Variants in CAPZA2 observed in about 807,000 individuals in gnomAD.
CAPZA2 encodes F-actin-capping protein subunit alpha-2.
A neutral mutation model predicts 44.0 loss-of-function variants in CAPZA2; 13 were observed. That is an observed-to-expected ratio of 0.30 (90% confidence interval 0.19 to 0.47). The LOEUF (loss-of-function observed/expected upper bound fraction) is 0.47. Ranked by LOEUF, CAPZA2 falls within the 20% of genes least tolerant of loss-of-function variation. CAPZA2 has a pLI of 1.00. For missense variants in CAPZA2, 244 were observed against 338.6 expected (o/e 0.72, Z 2.19); for synonymous variants, 94 against 108.2 (o/e 0.87, Z 0.81).
intron 3 of CAPZA2, 100 bp downstream of exon 3, chr7:116,893,145 T>C (rs552161897): frequency 4.0e-5 from 29 of 726,772 alleles, no homozygotes; most frequent in Admixed American, 2.2e-4. Context: ...TTTTGTTTTG[T>C]TTTGAGATGG....
At chr7:116,881,579 A>C (rs1391544238) in intron 1 of CAPZA2, among the ~76,000 whole-genome samples, 1 of 151,874 alleles carries the variant, frequency 6.6e-6, no homozygotes. Flanking sequence ...CTCTACTAAA[A>C]ATACAAAAAA....
chr7:116,871,880 G>A (rs1014036758), intron 1 of CAPZA2, among the ~76,000 whole-genome samples: 33 of 152,182 alleles, frequency 2.2e-4, no homozygotes, highest in Admixed American at 2.0e-3. Context: ...TATTAAATCA[G>A]TGATTTTCAA....
At chr7:116,906,547 AGTG>A (rs1217497278) in intron 6 of CAPZA2, 5 of 844,608 alleles carry the variant, frequency 5.9e-6, no homozygotes, top group Non-Finnish European at 6.7e-6. Flanking sequence ...GTTGACATTC[AGTG>A]GAAAGAGTAT....
chr7:116,913,138 A>T (rs958528426), intron 8 of CAPZA2, among the ~76,000 whole-genome samples: 1 of 152,158 alleles, frequency 6.6e-6, no homozygotes, highest in African/African-American at 2.4e-5. Flanking sequence ...TCACATTTGT[A>T]TTACTGAGTT....
At chr7:116,888,855 A>C (rs560856502) in intron 2 of CAPZA2, among the ~76,000 whole-genome samples, 7 of 152,204 alleles carry the variant, frequency 4.6e-5, no homozygotes, top group African/African-American at 1.2e-4. Context: ...AACAAACAAA[A>C]AAAAGTTTCA....
chr7:116,901,881 A>ATATGTGTGTGTGTGTGTGTGTG (rs375500363), intron 4 of CAPZA2, among the ~76,000 whole-genome samples: 7 of 140,818 alleles, frequency 5.0e-5, no homozygotes, highest in African/African-American at 1.8e-4. Flanking sequence ...TAACGAAGAA[A>ATATGTGTGTGTGTGTGTGTGTG]TGTGTGTGTG....
intron 1 of CAPZA2, among the ~76,000 whole-genome samples, chr7:116,884,216 CAAT>C (rs1284302889): frequency 6.6e-6 from 1 of 152,108 alleles, no homozygotes; most frequent in Non-Finnish European, 1.5e-5. Context: ...GTTTTAGAAG[CAAT>C]ATGTTTTGAA....
At chr7:116,875,727 A>T (rs13224082) in intron 1 of CAPZA2, 43,302 of 149,616 alleles carry the variant, frequency 0.29, 6,478 homozygotes, top group East Asian at 0.41. Context: ...TTTTTTTTTT[A>T]AATTTTTTGT....
chr7:116,912,168 TA>T, intron 8 of CAPZA2, 28 bp downstream of exon 8: 1 of 1,609,038 alleles, frequency 6.2e-7, no homozygotes. Context: ...CAATAAAATT[TA>T]ACCTAATACT....
chr7:116,898,042 G>A (rs147737246), intron 3 of CAPZA2, among the ~76,000 whole-genome samples: 58 of 152,116 alleles, frequency 3.8e-4, no homozygotes, highest in Non-Finnish European at 7.4e-4. Context: ...CTGAACACCC[G>A]CTATGAGCCA....
chr7:116,910,317 A>T lies in CAPZA2; in HGVS notation c.585+6A>T. 4 of 1,450,510 alleles carry T rather than the reference A, an allele frequency of 2.8e-6. No individual in the cohort carries two copies. Among genetic ancestry groups the T allele is most frequent in the Non-Finnish European group, 3.9e-6 (4 of 1,031,050 alleles). 89.9% of individuals were successfully genotyped at this position (1,450,510 alleles called of 1,614,324 possible). On this transcript the variant is annotated splice_donor_region_variant and intron_variant, in intron 7 of 9. Transcript: ENST00000361183. ...TTGGCATCTTGAAAATTCAGGTATG[A>T]AAAATAATTTGTTTACTGATCTTTA...
intron 8 of CAPZA2, among the ~76,000 whole-genome samples, chr7:116,913,236 CT>C (rs1469150777): frequency 6.6e-6 from 1 of 152,030 alleles, no homozygotes; most frequent in South Asian, 2.1e-4. Flanking sequence ...TGTCTTTTCA[CT>C]TTCTTGATGA....
chr7:116,912,114 G>T lies in CAPZA2; in HGVS notation c.631G>T (p.Asp211Tyr). 6.2e-7 allele frequency: 1 copy of T among 1,612,914 alleles called. No homozygotes were observed. The highest frequency in any genetic ancestry group is 8.5e-7 in the Non-Finnish European group (1 of 1,179,288). ...TAATGTTCAGCTAGTGAGTCATAAA[G>T]ATATACAAGATTCCCTAACAGTGTC... is the stretch of plus-strand genomic sequence containing the variant. ...DGNVQLVSHK[D>Y]IQDSLTVSNE... Residue 211 changes from aspartate to tyrosine, a missense_variant, in exon 8 of 10, where the codon GAT becomes TAT. Transcript: ENST00000361183.
chr7:116,905,871 C>T (rs903714744), intron 5 of CAPZA2, among the ~76,000 whole-genome samples: 6 of 152,126 alleles, frequency 3.9e-5, no homozygotes, highest in Non-Finnish European at 7.3e-5. Context: ...ACAGCAGCCC[C>T]TAAGATTGTG....
intron 4 of CAPZA2, among the ~76,000 whole-genome samples, chr7:116,903,060 C>G (rs1797016376): frequency 6.6e-6 from 1 of 152,114 alleles, no homozygotes; most frequent in Non-Finnish European, 1.5e-5. Flanking sequence ...AAAAAGGAAA[C>G]AGCCCAGAAA....
At chr7:116,901,881 A>ATGTATG (rs1554410807) in intron 4 of CAPZA2, among the ~76,000 whole-genome samples, 2 of 140,820 alleles carry the variant, frequency 1.4e-5, no homozygotes, top group Non-Finnish European at 3.1e-5. Flanking sequence ...TAACGAAGAA[A>ATGTATG]TGTGTGTGTG....
chr7:116,880,696 CTTTTTTTTTTTTTTTTTTTTTTTTTTTT>C (rs557434747), intron 1 of CAPZA2, among the ~76,000 whole-genome samples: 2 of 24,686 alleles, frequency 8.1e-5, no homozygotes, highest in Non-Finnish European at 1.6e-4. Context: ...TGTAACCTGC[CTTTTTTTTTTTTTTTTTTTTTTTTTTTT>C]TTTTTTTTTT....
chr7:116,883,857 T>G (rs1796728539), intron 1 of CAPZA2, among the ~76,000 whole-genome samples: 1 of 152,234 alleles, frequency 6.6e-6, no homozygotes, highest in Non-Finnish European at 1.5e-5. Context: ...ATGCTATATG[T>G]GTGCTGCTTG....
chr7:116,914,243 A>G (rs1046032603), intron 8 of CAPZA2, among the ~76,000 whole-genome samples: 3 of 151,572 alleles, frequency 2.0e-5, no homozygotes, highest in Admixed American at 6.6e-5. Flanking sequence ...GTTAGCCAGG[A>G]TGGTCTCGAT....
Sources: gnomAD v4.1 joint callset for allele counts (sites outside exome capture counted in the v4.1 genomes callset) on GRCh38, gnomAD v4.1.1 for gene constraint, MANE v1.5 for transcripts, NCBI Gene and HGNC (gene_info 2026-07-23, HGNC 2026-07-21) for gene names.